Variants in DUS2 observed in about 807,000 individuals in gnomAD.
DUS2 encodes the protein dihydrouridine synthase 2, also known as tRNA-dihydrouridine(20) synthase [NAD(P)+]-like.
A neutral mutation model predicts 71.3 loss-of-function variants in DUS2; 52 were observed. The ratio of observed to expected loss-of-function variants is 0.73; its 90% CI spans 0.58 to 0.92. The LOEUF (loss-of-function observed/expected upper bound fraction) is 0.92, where lower values mean the gene tolerates loss of function less well. Among genes scored for constraint, DUS2 ranks in the 40% least tolerant of loss-of-function variants. The pLI, the probability that DUS2 is intolerant of heterozygous loss-of-function variation, is 0.00. For missense variants in DUS2, 558 were observed against 622.6 expected, an observed-to-expected ratio of 0.90 and a Z score of 1.10; for synonymous variants, 204 against 227.8, an observed-to-expected ratio of 0.90 and a Z score of 0.94.
At chr16:68,050,468 G>C (rs1035394868) in intron 4 of DUS2, among the ~76,000 whole-genome samples, 3 of 152,012 alleles carry the variant, frequency 2.0e-5, no homozygotes, top group Non-Finnish European at 2.9e-5. Context: ...TTTTTTCTGT[G>C]TGATAAAAAA....
intron 6 of DUS2, 91 bp from the exon 7 acceptor site, chr16:68,056,273 G>A (rs2033849823): frequency 1.8e-6 from 2 of 1,111,918 alleles, no homozygotes; most frequent in African/African-American, 3.1e-5. Flanking sequence ...AGGGTAAGAG[G>A]TTCATGAGCA....
chr16:68,078,986 A>G lies in DUS2; in HGVS notation c.1482A>G (p.Ter494TrpextTer6). Residue 494 changes from the stop codon to tryptophan (W), a stop_lost, in exon 17 of 17, where the codon TGA (stop) becomes TGG (tryptophan). Transcript: ENST00000565263. ...AAGAAAGCCCCCTGGAAGGCTGGTG[A>G]CTACTCTTCCTGCCTTAGTCACCCC... ...SGEESPLEGW[*>W] 1 of 1,557,594 alleles carries G rather than the reference A, an allele frequency of 6.4e-7. No individual in the cohort carries two copies. Among genetic ancestry groups the G allele is most frequent in the South Asian group, 1.2e-5 (1 of 83,306 alleles).
Position 68,070,287 on chromosome 16 carries a change from C to T in DUS2, c.641+67C>T, listed in dbSNP as rs1053489923. ...GCTAAGGGCTGGGTGGTAGCCAGGC[C>T]CAGCCTTCCCTAGAGTGAAAAGTTT... On this transcript the variant is annotated intron_variant, in intron 11 of 16. Transcript: ENST00000565263. 7.3e-5 allele frequency: 109 copies of T among 1,491,790 alleles called. No individual in the cohort carries two copies. In the South Asian group the frequency reaches 1.2e-3, roughly 16 times the overall value. The allele number at this position is 1,491,790 out of a possible 1,614,324, so 92.4% of individuals were successfully genotyped here.
rs148423881 is a variant in DUS2, at chr16:68,071,108, C to A, written c.810C>A (p.Tyr270Ter). 1.9e-6 allele frequency: 3 copies of A among 1,614,060 alleles called. No individual in the cohort carries two copies. Among genetic ancestry groups the A allele is most frequent in the African/African-American group, 2.7e-5 (2 of 74,944 alleles). Residue 270 changes from tyrosine to a stop codon, truncating the protein, a stop_gained and splice_region_variant, in exon 12 of 17, where the codon TAC becomes TAA. Transcript: ENST00000565263. LOFTEE classifies it high-confidence loss of function. ...LEEVMQKYIRYAVQYDNHYTN... is the reference protein window; with the variant it reads ...LEEVMQKYIR The stretch of plus-strand genomic sequence containing the variant: ...AGGTCATGCAGAAATACATCAGATA[C>A]GTACGTCTCTGTACTTTTTCAAAAC...
intron 5 of DUS2, chr16:68,054,088 G>A: frequency 5.2e-6 from 1 of 193,374 alleles, no homozygotes; most frequent in Non-Finnish European, 1.1e-5. Flanking sequence ...CTCGCTTTGG[G>A]CATTTCTTGG....
chr16:68,070,232 G>A lies in DUS2; in HGVS notation c.641+12G>A, dbSNP rs373046121. Reference sequence around the variant, plus strand: ...CCTGTCATAGCCAAGTAAGCCTCCTGTCTTCATCATGTACTCTGTGTCCCA... The same window carrying A: ...CCTGTCATAGCCAAGTAAGCCTCCTATCTTCATCATGTACTCTGTGTCCCA... On this transcript the variant is annotated intron_variant, in intron 11 of 16. Coordinates refer to ENST00000565263, the MANE Select transcript of DUS2 (RefSeq NM_017803.5). 1.9e-6 allele frequency: 3 copies of A among 1,612,194 alleles called. No homozygotes were observed. The highest frequency in any genetic ancestry group is 1.3e-5 in the African/African-American group (1 of 74,884).
At chr16:68,028,988 C>T (rs1398301697) in intron 2 of DUS2, among the ~76,000 whole-genome samples, 1 of 152,084 alleles carries the variant, frequency 6.6e-6, no homozygotes, top group Non-Finnish European at 1.5e-5. Context: ...CGCTAGAGGC[C>T]AGGAGTTGGA....
At chr16:68,047,211 A>G (rs2033716151) in intron 3 of DUS2, among the ~76,000 whole-genome samples, 1 of 149,220 alleles carries the variant, frequency 6.7e-6, no homozygotes, top group African/African-American at 2.5e-5. Context: ...ACGTGCCACC[A>G]CGCCTGACTA....
chr16:68,031,182 T>C (rs910343920), intron 2 of DUS2, among the ~76,000 whole-genome samples: 2 of 152,188 alleles, frequency 1.3e-5, no homozygotes, highest in Non-Finnish European at 2.9e-5. Context: ...TTTTTTTTCT[T>C]TTTTGGAGAT....
chr16:68,031,110 G>C (rs2033430759), intron 2 of DUS2, among the ~76,000 whole-genome samples: 2 of 152,058 alleles, frequency 1.3e-5, no homozygotes, highest in South Asian at 2.1e-4. Flanking sequence ...CCCAGTAATG[G>C]CATCTCCACC....
At chr16:68,043,693 C>G (rs2033663169) in intron 3 of DUS2, among the ~76,000 whole-genome samples, 2 of 151,982 alleles carry the variant, frequency 1.3e-5, no homozygotes, top group Non-Finnish European at 2.9e-5. Flanking sequence ...GAGATGGAGT[C>G]TTGCTCTGTT....
chr16:68,033,071 G>A (rs2033464767), intron 2 of DUS2, among the ~76,000 whole-genome samples: 1 of 152,138 alleles, frequency 6.6e-6, no homozygotes, highest in Non-Finnish European at 1.5e-5. Flanking sequence ...TAAAGTCAGT[G>A]GGAAGCCATT....
In DUS2 at chr16:68,074,238, G is replaced by A. The variant is rs778217626; in HGVS notation, c.932+83G>A. ...TGAGCCCTAAGCTGACTCCACCAGG[G>A]GACCAGGGACACAGCTTCTGGATGT... On this transcript the variant is annotated intron_variant, in intron 13 of 16. Transcript: ENST00000565263. 53 of 1,539,616 alleles carry A rather than the reference G, an allele frequency of 3.4e-5. No individual in the cohort carries two copies. The South Asian group carries it at 4.8e-4, about 14-fold the overall frequency.
At chr16:68,030,593 A>G (rs772190632) in intron 2 of DUS2, among the ~76,000 whole-genome samples, 20 of 152,018 alleles carry the variant, frequency 1.3e-4, no homozygotes, top group Admixed American at 2.6e-4. Flanking sequence ...TCCATCTCAA[A>G]AAATAAATAA....
chr16:68,057,880 CAAA>C (rs5817628), intron 7 of DUS2, among the ~76,000 whole-genome samples: 15 of 92,106 alleles, frequency 1.6e-4, no homozygotes, highest in Admixed American at 3.4e-4. Context: ...AAATCTGTCT[CAAA>C]AAAAAAAAAA....
intron 4 of DUS2, among the ~76,000 whole-genome samples, chr16:68,053,032 G>A (rs868525797): frequency 1.4e-4 from 20 of 147,672 alleles, no homozygotes; most frequent in African/African-American, 3.3e-4. Context: ...GCGCGATCTC[G>A]GCTCGCTGCA....
chr16:68,070,343 C>T, intron 11 of DUS2, 123 bp downstream of exon 11: 1 of 819,912 alleles, frequency 1.2e-6, no homozygotes, highest in South Asian at 1.5e-5. Context: ...CAGGGCTTTC[C>T]ACAAGACCCC....
intron 8 of DUS2, among the ~76,000 whole-genome samples, chr16:68,063,911 C>T (rs1373387085): frequency 3.3e-5 from 5 of 152,142 alleles, no homozygotes; most frequent in East Asian, 3.9e-4. Flanking sequence ...TTAGTAGGTA[C>T]GGGGTTTCAC....
chr16:68,050,098 G>A lies in DUS2; in HGVS notation c.172+548G>A, dbSNP rs140042962. On this transcript the variant is annotated intron_variant, in intron 4 of 16. Transcript: ENST00000565263. ...TGATTCTGCTTTGATTAGAGTTGTG[G>A]TATATTCCTTGAGTTTTCTGATACA... 5.1e-3 allele frequency among the ~76,000 whole-genome samples: 768 copies of A among 152,032 alleles called. 8 individuals carry two copies. Among genetic ancestry groups the A allele is most frequent in the African/African-American group, 0.017 (701 of 41,484 alleles).
Sources: gnomAD v4.1 joint callset for allele counts (sites outside exome capture counted in the v4.1 genomes callset) on GRCh38, gnomAD v4.1.1 for gene constraint, MANE v1.5 for transcripts, NCBI Gene and HGNC (gene_info 2026-07-23, HGNC 2026-07-21) for gene names.